Variants in TRAPPC9 observed in about 807,000 individuals in gnomAD.
TRAPPC9 encodes trafficking protein particle complex subunit 9, also known as IKK2 binding protein.
Under a neutral mutation model 124.0 loss-of-function variants are expected in TRAPPC9, and 83 were observed. The ratio of observed to expected loss-of-function variants is 0.67; its 90% CI spans 0.56 to 0.80. The LOEUF (loss-of-function observed/expected upper bound fraction) is 0.80. Among genes scored for constraint, TRAPPC9 ranks in the 30% least tolerant of loss-of-function variants. The probability of loss-of-function intolerance (pLI) is 0.00; values close to 1 mark genes in which losing one functional copy is unlikely to be tolerated. For synonymous variants in TRAPPC9, 638 were observed against 617.5 expected (o/e 1.03, Z -0.49); for missense variants, 1,302 against 1,508.3 (o/e 0.86, Z 2.27).
chr8:139,967,156 A>T (rs1341243044), intron 19 of TRAPPC9, among the ~76,000 whole-genome samples: 1 of 152,140 alleles, frequency 6.6e-6, no homozygotes, highest in Non-Finnish European at 1.5e-5. Flanking sequence ...TGTTTGACTG[A>T]GAGCATAATG....
chr8:139,862,841 CT>C (rs1587014912), intron 21 of TRAPPC9, among the ~76,000 whole-genome samples: 2 of 152,238 alleles, frequency 1.3e-5, no homozygotes, highest in East Asian at 3.9e-4. Flanking sequence ...TGCATTCCCC[CT>C]GGGTGCCGTG....
At chr8:139,737,493 G>A (rs1023606328) in intron 21 of TRAPPC9, among the ~76,000 whole-genome samples, 3 of 75,428 alleles carry the variant, frequency 4.0e-5, no homozygotes, top group Non-Finnish European at 7.7e-5. Flanking sequence ...AAAACCCTGA[G>A]TCTGGTGTCT....
At position 140,056,251 on chromosome 8, in the gene TRAPPC9, GAA is replaced by G. The variant is rs34051448; in HGVS notation, c.2557-32174_2557-32173del. 2.4e-3 allele frequency among the ~76,000 whole-genome samples: 362 copies of G among 148,686 alleles called. 3 individuals carry two copies. Among genetic ancestry groups the G allele is most frequent in the African/African-American group, 8.3e-3 (338 of 40,670 alleles). ...CAGAGAGGCCCCATCTCTACAGAAA[GAA>G]AAAAAAAATTGCCAGGTGTAGTGGT... On this transcript the variant is annotated intron_variant, in intron 17 of 22. Transcript: ENST00000438773.
rs926774124 is a variant in TRAPPC9, at chr8:139,742,690, G to T, written c.3056-10488C>A. Among the ~76,000 whole-genome samples, 1 of 152,186 alleles carries T rather than the reference G, an allele frequency of 6.6e-6. No homozygotes were observed. The highest frequency in any genetic ancestry group is 2.4e-5 in the African/African-American group (1 of 41,440). On this transcript the variant is annotated intron_variant, in intron 21 of 22. Coordinates refer to ENST00000438773, the MANE Select transcript of TRAPPC9 (RefSeq NM_001160372.4). The surrounding 1 kb of genome is among the most constrained non-coding windows in gnomAD (Gnocchi z 4.7). ...GGAGACCAGACCTTCAGGACATGAG[G>T]ACCAGCAGGTCAGATGGGCCCAGCA... is the stretch of plus-strand genomic sequence containing the variant.
At chr8:139,800,960 T>C (rs1823471107) in intron 21 of TRAPPC9, among the ~76,000 whole-genome samples, 1 of 129,126 alleles carries the variant, frequency 7.7e-6, no homozygotes, top group Non-Finnish European at 1.6e-5. Flanking sequence ...CCGGTACCTG[T>C]ACCTTCCCTC....
At chr8:139,973,939 T>C (rs1319931400) in intron 19 of TRAPPC9, among the ~76,000 whole-genome samples, 1 of 151,892 alleles carries the variant, frequency 6.6e-6, no homozygotes, top group Non-Finnish European at 1.5e-5. Context: ...GAGGGAGAAA[T>C]GATCTATAAG....
At chr8:140,454,941 A>G (rs2071600643) in intron 1 of TRAPPC9, among the ~76,000 whole-genome samples, 1 of 151,856 alleles carries the variant, frequency 6.6e-6, no homozygotes, top group African/African-American at 2.4e-5. Context: ...CTCTTTAAAA[A>G]AAAAAAAAAA....
At chr8:139,741,190 C>T (rs1253699273) in intron 21 of TRAPPC9, among the ~76,000 whole-genome samples, 1 of 152,104 alleles carries the variant, frequency 6.6e-6, no homozygotes, top group Non-Finnish European at 1.5e-5. Context: ...GAAGCTCCCC[C>T]CGGGCGTGAT....
At chr8:139,972,254 T>C (rs1415381562) in intron 19 of TRAPPC9, among the ~76,000 whole-genome samples, 1 of 152,194 alleles carries the variant, frequency 6.6e-6, no homozygotes, top group Non-Finnish European at 1.5e-5. Context: ...CAAATACCTT[T>C]GACTCTCTCA....
At chr8:139,751,979 T>TCA (rs1819340010) in intron 21 of TRAPPC9, among the ~76,000 whole-genome samples, 1 of 147,300 alleles carries the variant, frequency 6.8e-6, no homozygotes. Context: ...CATTCACACA[T>TCA]CCATCTTTGT....
chr8:140,445,772 A>G (rs2132670814), intron 2 of TRAPPC9, among the ~76,000 whole-genome samples: 1 of 152,384 alleles, frequency 6.6e-6, no homozygotes, highest in East Asian at 1.9e-4. Context: ...AAATGAAGAA[A>G]GAAAGTGTTG....
chr8:140,086,242 G>C (rs894843691), intron 17 of TRAPPC9, among the ~76,000 whole-genome samples: 1 of 152,194 alleles, frequency 6.6e-6, no homozygotes, highest in African/African-American at 2.4e-5. Context: ...GAGTATGGAG[G>C]ATGAAGAAGG....
In TRAPPC9 at chr8:139,730,854, G is replaced by T; in HGVS notation, c.*207C>A. 3.3e-6 allele frequency: 2 copies of T among 606,650 alleles called. No individual in the cohort carries two copies. Among genetic ancestry groups the T allele is most frequent in the East Asian group, 2.8e-5 (1 of 35,804 alleles). 37.6% of individuals were successfully genotyped at this position (606,650 alleles called of 1,614,324 possible). A position where few individuals can be genotyped will look rare whatever the true frequency, so the allele number is the denominator to read the frequency against. On this transcript the variant is annotated 3_prime_UTR_variant, in exon 23 of 23. Coordinates refer to ENST00000438773, the MANE Select transcript of TRAPPC9 (RefSeq NM_001160372.4). ...TCCAGGGAACAGTGTAGGAAGGGGC[G>T]TGGCATGGGGTGGGGCTGCCATGTC...
At chr8:139,909,890 T>A (rs1256963126) in intron 20 of TRAPPC9, among the ~76,000 whole-genome samples, 3 of 152,220 alleles carry the variant, frequency 2.0e-5, no homozygotes, top group African/African-American at 7.2e-5. Flanking sequence ...GCAAGAAGCA[T>A]GTGATCCAAA....
intron 17 of TRAPPC9, among the ~76,000 whole-genome samples, chr8:140,065,309 T>C (rs924402188): frequency 6.6e-6 from 1 of 152,166 alleles, no homozygotes; most frequent in Non-Finnish European, 1.5e-5. Context: ...AAAAGCGCAA[T>C]GTGAAGTGGC....
rs867859578 is a variant in TRAPPC9, at chr8:140,221,559, G to A, written c.2456C>T (p.Pro819Leu). Residue 819 changes from proline to leucine, a missense_variant, in exon 17 of 23, where the codon CCC becomes CTC. Coordinates refer to ENST00000438773, the MANE Select transcript of TRAPPC9 (RefSeq NM_001160372.4). Reference sequence around the variant, plus strand: ...GACCTGCCGAAAAGGACTGGACAGGGGAAAGCCACTCACACTGATTCCATC... The same window carrying A: ...GACCTGCCGAAAAGGACTGGACAGGAGAAAGCCACTCACACTGATTCCATC... ...SDDGISVSGF[P>L]LSSPFRQVVR... is the part of the protein sequence containing the mutation. 1 of 1,613,916 alleles carries A rather than the reference G, an allele frequency of 6.2e-7. No homozygotes were observed. The highest frequency in any genetic ancestry group is 1.3e-5 in the African/African-American group (1 of 74,902).
At chr8:139,950,551 T>C (rs1050684029) in intron 19 of TRAPPC9, among the ~76,000 whole-genome samples, 4 of 152,176 alleles carry the variant, frequency 2.6e-5, no homozygotes, top group Admixed American at 6.5e-5. Context: ...TTCAACAGGA[T>C]GAATGCTTAA....
chr8:140,182,747 G>C lies in TRAPPC9; in HGVS notation c.2556+38712C>G, dbSNP rs2062233562. Among the ~76,000 whole-genome samples, 1 of 152,008 alleles carries C rather than the reference G, an allele frequency of 6.6e-6. No homozygotes were observed. The highest frequency in any genetic ancestry group is 2.4e-5 in the African/African-American group (1 of 41,360). ...TGGCAATCATGACCCTCTTGACCTG[G>C]CCTTGACCTATTACCCTCAGCTGAA... On this transcript the variant is annotated intron_variant, in intron 17 of 22. Coordinates refer to ENST00000438773, the MANE Select transcript of TRAPPC9 (RefSeq NM_001160372.4). The surrounding 1 kb of genome is among the most constrained non-coding windows in gnomAD (Gnocchi z 4.0).
chr8:139,785,508 G>C (rs572365913), intron 21 of TRAPPC9, among the ~76,000 whole-genome samples: 1 of 151,240 alleles, frequency 6.6e-6, no homozygotes, highest in Non-Finnish European at 1.5e-5. Flanking sequence ...GACTAGCCTG[G>C]CCAACATGGT....
Sources: gnomAD v4.1 joint callset for allele counts (sites outside exome capture counted in the v4.1 genomes callset) on GRCh38, gnomAD v4.1.1 for gene constraint, Gnocchi (gnomAD v3.1) non-coding constraint, MANE v1.5 for transcripts, NCBI Gene and HGNC (gene_info 2026-07-23, HGNC 2026-07-21) for gene names.